CDAN1: variants seen among roughly 807,000 people sequenced by gnomAD.
CDAN1 encodes the protein codanin-1.
A neutral mutation model predicts 139.8 loss-of-function variants in CDAN1; 107 were observed. The observed-to-expected ratio is 0.77, with a 90% confidence interval of 0.65 to 0.90. The LOEUF (loss-of-function observed/expected upper bound fraction) is 0.90. Ranked by LOEUF, CDAN1 falls within the 40% of genes least tolerant of loss-of-function variation. The pLI is 0.00. For synonymous variants in CDAN1, 776 were observed against 660.6 expected (o/e 1.17, Z -2.68); for missense variants, 1,667 against 1,575.7 (o/e 1.06, Z -0.98).
In CDAN1 at chr15:42,730,199, GCGA is replaced by G; in HGVS notation, c.2188_2190del (p.Ser730del). On this transcript the variant is annotated inframe_deletion, in exon 15 of 28. Coordinates refer to ENST00000356231, the MANE Select transcript of CDAN1 (RefSeq NM_138477.4). ...AAACACATCTTCCCCTCACTCTCCT[GCGA>G]CAACACCAAGCTCCTGAAACATCAA... The G allele has an allele frequency of 6.2e-7, 1 of 1,614,134 alleles. No individual in the cohort carries two copies. Among genetic ancestry groups the G allele is most frequent in the Non-Finnish European group, 8.5e-7 (1 of 1,179,998 alleles).
rs1199625706 is a variant in CDAN1, at chr15:42,730,762, G to C, written c.2010C>G (p.Val670=). 3.1e-6 allele frequency: 5 copies of C among 1,612,250 alleles called. No homozygotes were observed. Among genetic ancestry groups the C allele is most frequent in the Non-Finnish European group, 4.2e-6 (5 of 1,179,138 alleles). The change falls in exon 14 of 28, where the codon GTC becomes GTG. Residue 670 remains valine, a splice_region_variant and synonymous_variant. Coordinates refer to ENST00000356231, the MANE Select transcript of CDAN1 (RefSeq NM_138477.4). ...GAGTCCGCACATCCAGGACCGGAGG[G>C]ACCTGGGAGGGCCAGAGCTCAGTCA... ...QDSILALRSQ[V]PPVLDVRTLL...
At chr15:42,733,783 C>T (rs2061648022) in intron 8 of CDAN1, among the ~76,000 whole-genome samples, 155 bp downstream of exon 8, 1 of 152,188 alleles carries the variant, frequency 6.6e-6, no homozygotes, top group Admixed American at 6.5e-5. Context: ...GAGAATGAAG[C>T]CAGGTGGTCC....
In CDAN1 at chr15:42,724,422, T is replaced by G. The variant is rs997414803; in HGVS notation, c.*69A>C. ...ACCAGTGAGGGTCTGCATTGGGCACTTGGGCCTCCTCGTGAGGCGGGGGTC... is the reference window on the plus strand; with the variant it reads ...ACCAGTGAGGGTCTGCATTGGGCACGTGGGCCTCCTCGTGAGGCGGGGGTC... On this transcript the variant is annotated 3_prime_UTR_variant, in exon 28 of 28. Coordinates refer to ENST00000356231, the MANE Select transcript of CDAN1 (RefSeq NM_138477.4). 1.2e-5 allele frequency: 18 copies of G among 1,545,852 alleles called. No homozygotes were observed. The Admixed American group carries it at 3.3e-4, about 28-fold the overall frequency.
intron 4 of CDAN1, 41 bp downstream of exon 4, chr15:42,735,469 C>CTACAAGTGTCTCCACTCCT: frequency 6.2e-7 from 1 of 1,610,416 alleles, no homozygotes; most frequent in East Asian, 2.2e-5. Flanking sequence ...CCCATAAGTT[C>CTACAAGTGTCTCCACTCCT]TACAAGTGTC....
intron 23 of CDAN1, 151 bp from the exon 24 acceptor site, chr15:42,726,568 C>T (rs574927616): frequency 3.1e-6 from 2 of 648,782 alleles, no homozygotes; most frequent in African/African-American, 1.8e-5. Context: ...AGACCTGGGA[C>T]TTGGGCAGGA....
chr15:42,725,444 G>A (rs753907791), intron 26 of CDAN1, 45 bp downstream of exon 26: 1 of 1,610,174 alleles, frequency 6.2e-7, no homozygotes, highest in Non-Finnish European at 8.5e-7. Context: ...GGTGGTGGAT[G>A]TTCAGAGTGT....
chr15:42,734,729 C>T (rs112220129), intron 6 of CDAN1, among the ~76,000 whole-genome samples: 9,190 of 151,342 alleles, frequency 0.061, 813 homozygotes, highest in African/African-American at 0.19. Flanking sequence ...ATCCTTCCAC[C>T]TCAGCCTCCT....
At chr15:42,733,289 T>G (rs1214097375) in intron 8 of CDAN1, 103 bp from the exon 9 acceptor site, 1 of 923,098 alleles carries the variant, frequency 1.1e-6, no homozygotes, top group Non-Finnish European at 1.8e-6. Context: ...TTTTTTTTTT[T>G]TGGAGATGGA....
At chr15:42,729,931 CA>C in intron 15 of CDAN1, 46 bp from the exon 16 acceptor site, 1 of 1,406,060 alleles carries the variant, frequency 7.1e-7, no homozygotes. Flanking sequence ...GACCCCCACC[CA>C]ACCCACCCCA....
rs1019306872 is a variant in CDAN1, at chr15:42,728,001, C to T, written c.2901G>A (p.Gly967=). 1 of 1,614,050 alleles carries T rather than the reference C, an allele frequency of 6.2e-7. No individual in the cohort carries two copies. Among genetic ancestry groups the T allele is most frequent in the East Asian group, 2.2e-5 (1 of 44,894 alleles). Residue 967 remains glycine (G), a synonymous_variant, in exon 22 of 28, where the codon GGG becomes GGA. Transcript: ENST00000356231. ...AAGCACAGGCTTTCTCTGTTGCAAGCCCCACAGCAATGTTCTCTGCACTGC... is the reference window on the plus strand; with the variant it reads ...AAGCACAGGCTTTCTCTGTTGCAAGTCCCACAGCAATGTTCTCTGCACTGC... ...VLSSAENIAV[G]LATEKACAWL... is the part of the protein sequence containing the mutation.
rs1279762249 is a variant in CDAN1, at chr15:42,737,097, C to A, written c.6G>T (p.Ala2=). Residue 2 remains alanine, a synonymous_variant, in exon 1 of 28, where the codon GCG becomes GCT. Coordinates refer to ENST00000356231, the MANE Select transcript of CDAN1 (RefSeq NM_138477.4). ...CTCGCAGCAGCGACTCCAAAACGGC[C>A]GCCATCCCGGTCGGGGCGCTCTGGG... The part of the protein sequence containing the change: M[A]AVLESLLREE... 3 of 1,516,594 alleles carry A rather than the reference C, an allele frequency of 2.0e-6. No homozygotes were observed. Among genetic ancestry groups the A allele is most frequent in the African/African-American group, 1.4e-5 (1 of 70,370 alleles). 93.9% of individuals were successfully genotyped at this position (1,516,594 alleles called of 1,614,324 possible). A position where few individuals can be genotyped will look rare whatever the true frequency, so the allele number is the denominator to read the frequency against.
In CDAN1 at chr15:42,726,177, G is replaced by T. The variant is rs1482382102; in HGVS notation, c.3205-17C>A. The T allele has an allele frequency of 6.2e-7, 1 of 1,613,924 alleles. No individual in the cohort carries two copies. The highest frequency in any genetic ancestry group is 8.5e-7 in the Non-Finnish European group (1 of 1,179,852). ...GCACAGGAACTGCGGTTGGGGTGGG[G>T]GGGAAAGAGAGACCATAGGTATCAC... On this transcript the variant is annotated splice_polypyrimidine_tract_variant and intron_variant, in intron 24 of 27. Coordinates refer to ENST00000356231, the MANE Select transcript of CDAN1 (RefSeq NM_138477.4).
chr15:42,736,162 C>G, intron 2 of CDAN1, 84 bp from the exon 3 acceptor site: 1 of 1,571,600 alleles, frequency 6.4e-7, no homozygotes, highest in Non-Finnish European at 8.7e-7. Flanking sequence ...GACCTCTTGC[C>G]AAAAAACCCC....
intron 8 of CDAN1, among the ~76,000 whole-genome samples, chr15:42,733,527 G>A (rs952276765): frequency 5.3e-5 from 8 of 152,014 alleles, no homozygotes; most frequent in African/African-American, 1.5e-4. Context: ...TCCGCCCCTC[G>A]GCCTCCTGAA....
Position 42,736,666 on chromosome 15 carries a change from G to C in CDAN1, c.205C>G (p.Pro69Ala). The change falls in exon 2 of 28, where the codon CCC (proline) becomes GCC (alanine). Residue 69 changes from proline (P) to alanine (A), a missense_variant. Physicochemically the swap from Pro to Ala is conservative, Grantham distance 27 (BLOSUM62 -1). Transcript: ENST00000356231. Reference sequence around the variant, plus strand: ...CCCGGGGTCTTGGCGGGGGTCGGGGGCCCCTGCGGGAGGACGCGGCTGCTC... The same window carrying C: ...CCCGGGGTCTTGGCGGGGGTCGGGGCCCCCTGCGGGAGGACGCGGCTGCTC... ...EQSSRVLPQG[P>A]PTPAKTPGAS... 1 of 1,542,534 alleles carries C rather than the reference G, an allele frequency of 6.5e-7. No individual in the cohort carries two copies. Among genetic ancestry groups the C allele is most frequent in the African/African-American group, 1.4e-5 (1 of 70,830 alleles).
chr15:42,724,945 A>G (rs764317162), intron 27 of CDAN1, 199 bp downstream of exon 27: 15 of 652,298 alleles, frequency 2.3e-5, no homozygotes, highest in South Asian at 3.5e-5. Context: ...CTTTCCAACT[A>G]ACTGCCTGCC....
At chr15:42,731,957 T>A in intron 10 of CDAN1, 132 bp from the exon 11 acceptor site, 2 of 847,780 alleles carry the variant, frequency 2.4e-6, no homozygotes, top group Non-Finnish European at 3.9e-6. Flanking sequence ...ATAGATTTTC[T>A]GAGATGTGAA....
chr15:42,734,224 A>T lies in CDAN1; in HGVS notation c.1257+2T>A. 1 of 1,614,084 alleles carries T rather than the reference A, an allele frequency of 6.2e-7. No homozygotes were observed. Among genetic ancestry groups the T allele is most frequent in the Non-Finnish European group, 8.5e-7 (1 of 1,180,026 alleles). Reference sequence around the variant, plus strand: ...AGTGGGCAACTAAGCTGGGGTTACTACCTTGGCAACACTGCCCTCATAGGC... The same window carrying T: ...AGTGGGCAACTAAGCTGGGGTTACTTCCTTGGCAACACTGCCCTCATAGGC... On this transcript the variant is annotated splice_donor_variant, in intron 7 of 27. Transcript: ENST00000356231. LOFTEE classifies it high-confidence loss of function.
In CDAN1 at chr15:42,727,709, T is replaced by C. The variant is rs2061549333; in HGVS notation, c.3008A>G (p.Glu1003Gly). ...CCTCCGCTCCCCCCGGGCAGCAGGT[T>C]CAGGACCCTGGGCTCGAAGTGTGCG... ...VSRTLRAQGPEPAARGERRGC... is the reference protein window; with the variant it reads ...VSRTLRAQGPGPAARGERRGC... The change falls in exon 23 of 28, where the codon GAA becomes GGA. Residue 1003 changes from glutamate to glycine, a missense_variant. Physicochemically the swap from Glu to Gly is moderately conservative, Grantham distance 98. Transcript: ENST00000356231. 6.3e-7 allele frequency: 1 copy of C among 1,586,800 alleles called. No homozygotes were observed.
Sources: allele counts gnomAD v4.1 joint callset (sites outside exome capture counted in the v4.1 genomes callset), GRCh38; gene constraint gnomAD v4.1.1; transcripts MANE v1.5; gene names NCBI Gene and HGNC (gene_info 2026-07-23, HGNC 2026-07-21).